THSD7A: variants seen among roughly 807,000 people sequenced by gnomAD.
THSD7A encodes thrombospondin type 1 domain containing 7A, also known as thrombospondin type-1 domain-containing protein 7A.
A neutral mutation model predicts 231.3 loss-of-function variants in THSD7A; 96 were observed. The ratio of observed to expected loss-of-function variants is 0.41; its 90% CI spans 0.35 to 0.49. The LOEUF (loss-of-function observed/expected upper bound fraction) is 0.49. Ranked by LOEUF, THSD7A falls within the 20% of genes least tolerant of loss-of-function variation. THSD7A has a pLI of 0.05. For missense variants in THSD7A, 2,290 were observed against 2,070.2 expected (o/e 1.11, Z -2.06); for synonymous variants, 940 against 743.3 (o/e 1.26, Z -4.30).
At chr7:11,477,867 G>T (rs1204584737) in intron 7 of THSD7A, among the ~76,000 whole-genome samples, 2 of 152,054 alleles carry the variant, frequency 1.3e-5, no homozygotes. Flanking sequence ...AGTGAATGAG[G>T]CTAATATATG....
At chr7:11,463,147 G>GTT in intron 9 of THSD7A, among the ~76,000 whole-genome samples, 1 of 152,222 alleles carries the variant, frequency 6.6e-6, no homozygotes, top group East Asian at 1.9e-4. Flanking sequence ...AACAATTAAT[G>GTT]TTTAATCAGA....
chr7:11,733,364 G>A (rs1486496936), intron 1 of THSD7A, among the ~76,000 whole-genome samples: 1 of 151,792 alleles, frequency 6.6e-6, no homozygotes, highest in African/African-American at 2.4e-5. Flanking sequence ...TGTTGATGTT[G>A]GGGGTTCTTA....
intron 4 of THSD7A, among the ~76,000 whole-genome samples, chr7:11,548,292 C>T (rs904065554): frequency 2.6e-5 from 4 of 151,950 alleles, no homozygotes; most frequent in Admixed American, 6.6e-5. Context: ...TATACAACCT[C>T]CAAAAATTGA....
At chr7:11,562,681 G>A (rs1367337180) in intron 4 of THSD7A, among the ~76,000 whole-genome samples, 2 of 151,996 alleles carry the variant, frequency 1.3e-5, no homozygotes, top group African/African-American at 2.4e-5. Context: ...TCCAAAGACC[G>A]ACAAATAAAA....
rs533662768 is a variant in THSD7A at position 11,634,916 on chromosome 7, T to G, written c.1022+1214A>C. On this transcript the variant is annotated intron_variant, in intron 2 of 27. Transcript: ENST00000423059. The surrounding 1 kb of genome is among the most constrained non-coding windows in gnomAD (Gnocchi z 4.1). ...TAAACCAGATTTCAAAATCTATGCATAGCAAAATCAGTAGACAAGAATAGA... is the reference window on the plus strand; with the variant it reads ...TAAACCAGATTTCAAAATCTATGCAGAGCAAAATCAGTAGACAAGAATAGA... 6.6e-6 allele frequency among the ~76,000 whole-genome samples: 1 copy of G among 151,510 alleles called. No homozygotes were observed. The highest frequency in any genetic ancestry group is 1.5e-5 in the Non-Finnish European group (1 of 67,886).
chr7:11,478,682 G>C (rs1020066556), intron 7 of THSD7A, among the ~76,000 whole-genome samples: 104 of 152,242 alleles, frequency 6.8e-4, no homozygotes, highest in African/African-American at 2.3e-3. Flanking sequence ...CTATCATTCT[G>C]TCATTCATTT....
intron 2 of THSD7A, among the ~76,000 whole-genome samples, chr7:11,629,189 T>C (rs527928509): frequency 2.9e-4 from 44 of 152,280 alleles, no homozygotes; most frequent in Non-Finnish European, 5.7e-4. Flanking sequence ...CAGAAGCCTA[T>C]GAATACACTG....
chr7:11,431,755 T>G (rs987637927), intron 13 of THSD7A, among the ~76,000 whole-genome samples: 1 of 152,138 alleles, frequency 6.6e-6, no homozygotes, highest in African/African-American at 2.4e-5. Context: ...ATAGGAATTG[T>G]GTCAAATTTG....
At chr7:11,778,084 G>A (rs1297091807) in intron 1 of THSD7A, among the ~76,000 whole-genome samples, 1 of 143,830 alleles carries the variant, frequency 7.0e-6, no homozygotes, top group Non-Finnish European at 1.5e-5. Flanking sequence ...GTGAACCCGG[G>A]AGGCGGAGCT....
chr7:11,637,415 G>A lies in THSD7A; in HGVS notation c.191-454C>T, dbSNP rs911733495. ...CTTCCTGGACAGTTAACTATTTTGTGGAACTTGCTCTCTTCTTCAACATAT... is the reference window on the plus strand; with the variant it reads ...CTTCCTGGACAGTTAACTATTTTGTAGAACTTGCTCTCTTCTTCAACATAT... On this transcript the variant is annotated intron_variant, in intron 1 of 27. Coordinates refer to ENST00000423059, the MANE Select transcript of THSD7A (RefSeq NM_015204.3). This position sits in a 1 kb window ranked among gnomAD's most constrained non-coding sequence, Gnocchi z 4.2. Among the ~76,000 whole-genome samples the A allele has an allele frequency of 2.6e-5, 4 of 152,142 alleles. No homozygotes were observed. Among genetic ancestry groups the A allele is most frequent in the Non-Finnish European group, 5.9e-5 (4 of 68,044 alleles).
At chr7:11,770,649 C>T (rs959447342) in intron 1 of THSD7A, among the ~76,000 whole-genome samples, 8 of 152,088 alleles carry the variant, frequency 5.3e-5, no homozygotes, top group African/African-American at 9.7e-5. Flanking sequence ...ATTGAATCTT[C>T]GGTAGGATTC....
chr7:11,526,821 G>C (rs1026731935), intron 6 of THSD7A, among the ~76,000 whole-genome samples: 3 of 152,120 alleles, frequency 2.0e-5, no homozygotes, highest in Admixed American at 2.0e-4. Context: ...GCCAGTCTCA[G>C]ATAGTATCTT....
Position 11,397,100 on chromosome 7 carries a change from C to G in THSD7A, c.4411+4695G>C, listed in dbSNP as rs539511800. ...TCAACACCCCTTCATGCTAAAAACT[C>G]TCAATAAACTAGGTATTGATGGAAC... On this transcript the variant is annotated intron_variant, in intron 23 of 27. Transcript: ENST00000423059. 2.6e-5 allele frequency among the ~76,000 whole-genome samples: 4 copies of G among 152,250 alleles called. No individual in the cohort carries two copies. In the South Asian group the frequency reaches 6.2e-4, roughly 24 times the overall value.
At chr7:11,514,555 G>A (rs1787947987) in intron 6 of THSD7A, among the ~76,000 whole-genome samples, 3 of 152,008 alleles carry the variant, frequency 2.0e-5, no homozygotes, top group Non-Finnish European at 1.5e-5. Flanking sequence ...GGGTCTAGGA[G>A]TTTCAATTTT....
intron 2 of THSD7A, among the ~76,000 whole-genome samples, chr7:11,601,120 CA>C: frequency 6.6e-6 from 1 of 152,316 alleles, no homozygotes; most frequent in South Asian, 2.1e-4. Flanking sequence ...TCCTCTCTTA[CA>C]AAACTCTACA....
At chr7:11,570,096 AGG>A (rs1214413082) in intron 4 of THSD7A, among the ~76,000 whole-genome samples, 3 of 152,110 alleles carry the variant, frequency 2.0e-5, no homozygotes, top group Non-Finnish European at 2.9e-5. Context: ...TGCTTCACCC[AGG>A]AGGTTGAGGC....
chr7:11,403,158 C>CACTT (rs1232796312), intron 22 of THSD7A, among the ~76,000 whole-genome samples: 1 of 152,136 alleles, frequency 6.6e-6, no homozygotes, highest in African/African-American at 2.4e-5. Flanking sequence ...GGTTTCTTAT[C>CACTT]ACTTATTTAT....
intron 1 of THSD7A, among the ~76,000 whole-genome samples, chr7:11,734,277 G>A (rs1583237302): frequency 1.3e-5 from 2 of 151,910 alleles, no homozygotes; most frequent in East Asian, 3.9e-4. Context: ...ACAGGCAGGT[G>A]AATTATTCCC....
At chr7:11,559,743 A>G (rs1345879832) in intron 4 of THSD7A, among the ~76,000 whole-genome samples, 1 of 152,112 alleles carries the variant, frequency 6.6e-6, no homozygotes, top group East Asian at 1.9e-4. Flanking sequence ...TAGGAAACTA[A>G]AAACTAAAAT....
Sources: gnomAD v4.1 joint callset for allele counts (sites outside exome capture counted in the v4.1 genomes callset) on GRCh38, gnomAD v4.1.1 for gene constraint, Gnocchi (gnomAD v3.1) non-coding constraint, MANE v1.5 for transcripts, NCBI Gene and HGNC (gene_info 2026-07-23, HGNC 2026-07-21) for gene names.